Variants in HS3ST3A1 observed in about 807,000 individuals in gnomAD.
The protein encoded by HS3ST3A1 is heparan sulfate-glucosamine 3-sulfotransferase 3A1.
Under a neutral mutation model 25.7 loss-of-function variants are expected in HS3ST3A1, and 19 were observed. The observed-to-expected ratio is 0.74, with a 90% CI of 0.52 to 1.08. The LOEUF (loss-of-function observed/expected upper bound fraction) is 1.08. Among genes scored for constraint, HS3ST3A1 ranks in the 50% least tolerant of loss-of-function variants. The probability of loss-of-function intolerance (pLI) is 0.00; values close to 1 mark genes in which losing one functional copy is unlikely to be tolerated. For missense variants in HS3ST3A1, 459 were observed against 594.3 expected, an observed-to-expected ratio of 0.77 and a Z score of 2.37; for synonymous variants, 226 against 278.6, an observed-to-expected ratio of 0.81 and a Z score of 1.88.
intron 1 of HS3ST3A1, among the ~76,000 whole-genome samples, chr17:13,514,199 G>A (rs1905979863): frequency 6.6e-6 from 1 of 151,252 alleles, no homozygotes; most frequent in East Asian, 1.9e-4. Context: ...TTGTCTTTTA[G>A]GTAGCAAACA....
At chr17:13,537,388 G>T (rs531413730) in intron 1 of HS3ST3A1, among the ~76,000 whole-genome samples, 7 of 152,236 alleles carry the variant, frequency 4.6e-5, no homozygotes, top group Admixed American at 4.6e-4. Flanking sequence ...TTTCTATTTG[G>T]CAGGCTGCCC....
At chr17:13,565,576 C>T (rs1455992194) in intron 1 of HS3ST3A1, among the ~76,000 whole-genome samples, 1 of 152,098 alleles carries the variant, frequency 6.6e-6, no homozygotes, top group Non-Finnish European at 1.5e-5. Flanking sequence ...AATGCTTTAA[C>T]ACTGCCCTCC....
rs181260320 is a variant in HS3ST3A1, at chr17:13,579,891, T to G, written c.599+20640A>C. 3.0e-3 allele frequency among the ~76,000 whole-genome samples: 392 copies of G among 130,134 alleles called. 2 individuals carry two copies. The highest frequency in any genetic ancestry group is 0.011 in the African/African-American group (367 of 33,662). 85.4% of individuals were successfully genotyped at this position (130,134 alleles called of 152,430 possible). A position where few individuals can be genotyped will look rare whatever the true frequency, so the allele number is the denominator to read the frequency against. ...GGAGCCTGGGAGGCAGAGGTTGCAG[T>G]GAGCTGAGATCGTGCCCCTGCACTC... On this transcript the variant is annotated intron_variant, in intron 1 of 1. Coordinates refer to ENST00000284110, the MANE Select transcript of HS3ST3A1 (RefSeq NM_006042.3).
At chr17:13,507,079 A>AC (rs898783440) in intron 1 of HS3ST3A1, among the ~76,000 whole-genome samples, 4 of 151,380 alleles carry the variant, frequency 2.6e-5, no homozygotes, top group African/African-American at 9.8e-5. Flanking sequence ...CAAAAAAAAA[A>AC]AAAAAAACAA....
chr17:13,506,900 A>C (rs1905697781), intron 1 of HS3ST3A1, among the ~76,000 whole-genome samples: 1 of 141,796 alleles, frequency 7.1e-6, no homozygotes, highest in African/African-American at 2.7e-5. Context: ...CTACTAAAAT[A>C]CAAAAAAAAA....
intron 1 of HS3ST3A1, among the ~76,000 whole-genome samples, chr17:13,507,958 G>T (rs1905737788): frequency 6.6e-6 from 1 of 152,260 alleles, no homozygotes; most frequent in East Asian, 1.9e-4. Flanking sequence ...GTTGTTATGT[G>T]GGACCCCTCT....
intron 1 of HS3ST3A1, among the ~76,000 whole-genome samples, chr17:13,500,468 G>A (rs2142291747): frequency 6.6e-6 from 1 of 152,340 alleles, no homozygotes; most frequent in Admixed American, 6.5e-5. Context: ...ATATGAGGCA[G>A]GCTATGGGAG....
At chr17:13,512,321 A>AAAAAAAAAAGAAC (rs1395357582) in intron 1 of HS3ST3A1, among the ~76,000 whole-genome samples, 1 of 144,676 alleles carries the variant, frequency 6.9e-6, no homozygotes, top group Non-Finnish European at 1.5e-5. Flanking sequence ...AAAAAAAAAA[A>AAAAAAAAAAGAAC]AAAAAACTGC....
chr17:13,538,591 C>T (rs1479511149), intron 1 of HS3ST3A1, among the ~76,000 whole-genome samples: 1 of 152,088 alleles, frequency 6.6e-6, no homozygotes, highest in African/African-American at 2.4e-5. Flanking sequence ...AATACTCTGA[C>T]CCACATTTCT....
intron 1 of HS3ST3A1, among the ~76,000 whole-genome samples, chr17:13,514,041 G>A (rs1402903270): frequency 7.9e-5 from 12 of 151,976 alleles, no homozygotes. Context: ...TAATACTTAT[G>A]TTTTCAATTA....
At chr17:13,515,087 T>A (rs76968405) in intron 1 of HS3ST3A1, among the ~76,000 whole-genome samples, 8,299 of 152,264 alleles carry the variant, frequency 0.055, 241 homozygotes, top group African/African-American at 0.075. Context: ...TTCAATGTAT[T>A]TGGAAGAAAA....
chr17:13,600,416 C>T, intron 1 of HS3ST3A1, 115 bp downstream of exon 1: 1 of 1,409,656 alleles, frequency 7.1e-7, no homozygotes, highest in Non-Finnish European at 9.2e-7. Context: ...GACCCTTCGC[C>T]TTCTGCATGA....
At chr17:13,526,672 A>T (rs1273149908) in intron 1 of HS3ST3A1, among the ~76,000 whole-genome samples, 2 of 151,106 alleles carry the variant, frequency 1.3e-5, no homozygotes, top group African/African-American at 4.9e-5. Flanking sequence ...TTTAAGACAG[A>T]GTTTCGCTCT....
At chr17:13,512,565 T>G (rs1905909577) in intron 1 of HS3ST3A1, among the ~76,000 whole-genome samples, 1 of 152,154 alleles carries the variant, frequency 6.6e-6, no homozygotes, top group African/African-American at 2.4e-5. Context: ...ATGTATCCTC[T>G]CGGCAGCTTT....
intron 1 of HS3ST3A1, among the ~76,000 whole-genome samples, chr17:13,521,557 CTT>C (rs1906240571): frequency 6.6e-6 from 1 of 152,188 alleles, no homozygotes; most frequent in African/African-American, 2.4e-5. Flanking sequence ...TTCATGGACA[CTT>C]AGAGAGGCAT....
chr17:13,535,028 A>AAAATAAATAAATAAAT (rs71312976), intron 1 of HS3ST3A1, among the ~76,000 whole-genome samples: 2,254 of 149,414 alleles, frequency 0.015, 58 homozygotes, highest in African/African-American at 0.053. Flanking sequence ...CTCCATCTCA[A>AAAATAAATAAATAAAT]AAATAAATAA....
chr17:13,580,028 G>A (rs1225062082), intron 1 of HS3ST3A1, among the ~76,000 whole-genome samples: 10 of 151,320 alleles, frequency 6.6e-5, no homozygotes, highest in Admixed American at 6.6e-4. Context: ...CAAAAGCAAG[G>A]CTACCAGTTT....
At chr17:13,573,910 G>A (rs1244357240) in intron 1 of HS3ST3A1, among the ~76,000 whole-genome samples, 1 of 152,162 alleles carries the variant, frequency 6.6e-6, no homozygotes, top group Non-Finnish European at 1.5e-5. Context: ...GAAGATGGCA[G>A]TCTGCAAACC....
At chr17:13,536,371 T>C (rs992429660) in intron 1 of HS3ST3A1, among the ~76,000 whole-genome samples, 4 of 152,352 alleles carry the variant, frequency 2.6e-5, no homozygotes, top group African/African-American at 4.8e-5. Context: ...TTTTCTTTTA[T>C]AGACGTGAGA....
Sources: allele counts gnomAD v4.1 joint callset (sites outside exome capture counted in the v4.1 genomes callset), GRCh38; gene constraint gnomAD v4.1.1; transcripts MANE v1.5; gene names NCBI Gene and HGNC (gene_info 2026-07-23, HGNC 2026-07-21).